Variants in HDGF observed in about 807,000 individuals in gnomAD.
HDGF encodes heparin binding growth factor, also known as hepatoma-derived growth factor.
HDGF carries 5 observed loss-of-function variants against 30.0 expected under a neutral mutation model. The observed-to-expected ratio is 0.17, with a 90% CI of 0.09 to 0.35. HDGF has a LOEUF of 0.35. Among genes scored for constraint, HDGF ranks in the 10% least tolerant of loss-of-function variants. The pLI is 1.00. For synonymous variants in HDGF, 133 were observed against 112.7 expected, an observed-to-expected ratio of 1.18 and a Z score of -1.14; for missense variants, 214 against 302.8, an observed-to-expected ratio of 0.71 and a Z score of 2.18.
chr1:156,761,982 T>TA (rs1159903155), intron 1 of HDGF, among the ~76,000 whole-genome samples: 1 of 124,332 alleles, frequency 8.0e-6, no homozygotes, highest in Non-Finnish European at 1.8e-5. Flanking sequence ...ACACAAAAAA[T>TA]ACAAAAATTA....
At chr1:156,744,456 C>A (rs748829064) in intron 3 of HDGF, 108 bp from the exon 4 acceptor site, 3 of 1,581,844 alleles carry the variant, frequency 1.9e-6, no homozygotes, top group African/African-American at 1.3e-5. Flanking sequence ...GCCTCTCCCC[C>A]ACCCCCACCC....
intron 1 of HDGF, among the ~76,000 whole-genome samples, chr1:156,763,331 G>C (rs953294909): frequency 2.6e-5 from 4 of 151,372 alleles, no homozygotes; most frequent in African/African-American, 9.7e-5. Flanking sequence ...TCCTGCTTCA[G>C]AAGCCTCCTG....
At chr1:156,748,085 G>A (rs1240631501) in intron 1 of HDGF, among the ~76,000 whole-genome samples, 1 of 152,092 alleles carries the variant, frequency 6.6e-6, no homozygotes, top group East Asian at 1.9e-4. Flanking sequence ...AGGAAGACAG[G>A]GGCCTGAGCA....
At position 156,748,111 on chromosome 1, in the gene HDGF, C is replaced by A. The variant is rs12042468; in HGVS notation, c.88-2738G>T. On this transcript the variant is annotated intron_variant, in intron 1 of 5. Transcript: ENST00000357325. The stretch of plus-strand genomic sequence containing the variant: ...GGCCTGAGCAGATAGGCATCTCCCC[C>A]CAAAGCATCATCCCACCTGGCTCCC... Among the ~76,000 whole-genome samples the A allele has an allele frequency of 1.6e-4, 25 of 152,094 alleles. 1 individual carries two copies. Among genetic ancestry groups the A allele is most frequent in the Admixed American group, 1.4e-3 (22 of 15,294 alleles).
chr1:156,752,207 C>A (rs985635317), upstream of HDGF: 2 of 1,551,820 alleles, frequency 1.3e-6, no homozygotes, highest in African/African-American at 2.7e-5. Context: ...CTGGGGTCCT[C>A]TCTGGACCTC....
chr1:156,754,319 G>C (rs1369797191), upstream of HDGF, among the ~76,000 whole-genome samples: 1 of 152,246 alleles, frequency 6.6e-6, no homozygotes, highest in African/African-American at 2.4e-5. Context: ...AGCCAGCGTG[G>C]AAGTGGAAAT....
At chr1:156,762,904 CA>C (rs1651276382) in intron 1 of HDGF, among the ~76,000 whole-genome samples, 1 of 151,772 alleles carries the variant, frequency 6.6e-6, no homozygotes, top group South Asian at 2.1e-4. Context: ...AACTTTCCAT[CA>C]GGGTGATCTG....
At chr1:156,744,927 C>A in intron 3 of HDGF, 81 bp downstream of exon 3, 1 of 1,518,948 alleles carries the variant, frequency 6.6e-7, no homozygotes. Flanking sequence ...GAAGACTAAG[C>A]ATCATCTGTG....
chr1:156,763,196 TA>T (rs1651283910), intron 1 of HDGF, among the ~76,000 whole-genome samples: 1 of 152,158 alleles, frequency 6.6e-6, no homozygotes, highest in Non-Finnish European at 1.5e-5. Flanking sequence ...CAAATATGTT[TA>T]ATCATTTCAT....
chr1:156,743,536 G>T (rs1466679144), intron 5 of HDGF, 81 bp from the exon 6 acceptor site: 1 of 1,585,244 alleles, frequency 6.3e-7, no homozygotes, highest in Non-Finnish European at 8.6e-7. Context: ...CGGTCTCCTA[G>T]GAGAGCCCAC....
chr1:156,765,472 C>CTTT (rs71080793), intron 1 of HDGF, among the ~76,000 whole-genome samples: 2,308 of 85,880 alleles, frequency 0.027, 199 homozygotes, highest in Admixed American at 0.092. Flanking sequence ...TTCTTTCTTT[C>CTTT]TTTTTTTTTT....
Position 156,764,876 on chromosome 1 carries a change from ACT to A in HDGF, n.136+1912_136+1913del, listed in dbSNP as rs1017644230. On this transcript the variant is annotated intron_variant and non_coding_transcript_variant, in intron 1 of 7. Coordinates refer to the HDGF transcript ENST00000465180. ...ACTCCAGCATGGGCGACAGTACAAG[ACT>A]CTATCTCCAAAAAAAAAAAAAAAGA... is the stretch of plus-strand genomic sequence containing the variant. Among the ~76,000 whole-genome samples the A allele has an allele frequency of 4.8e-5, 7 of 146,372 alleles. No individual in the cohort carries two copies. In the South Asian group the frequency reaches 1.6e-3, roughly 32 times the overall value.
chr1:156,754,239 C>A (rs1651116507), upstream of HDGF, among the ~76,000 whole-genome samples: 1 of 152,268 alleles, frequency 6.6e-6, no homozygotes, highest in East Asian at 1.9e-4. Flanking sequence ...AAACTATTTT[C>A]CAATTTGGTA....
At position 156,765,663 on chromosome 1, in the gene HDGF, C is replaced by T. The variant is rs370864721; in HGVS notation, n.136+1127G>A. 9.2e-5 allele frequency among the ~76,000 whole-genome samples: 14 copies of T among 151,662 alleles called. 1 individual carries two copies. Among genetic ancestry groups the T allele is most frequent in the African/African-American group, 3.4e-4 (14 of 41,376 alleles). On this transcript the variant is annotated intron_variant and non_coding_transcript_variant, in intron 1 of 7. Transcript: ENST00000465180. ...CTAATTTTTGTATTTTTAGTAGAGA[C>T]GGGGTTTCACCATCTTGGCCAGGCT...
At chr1:156,756,086 A>C (rs905323803), upstream of HDGF, among the ~76,000 whole-genome samples, 5 of 152,158 alleles carry the variant, frequency 3.3e-5, no homozygotes, top group African/African-American at 1.2e-4. Context: ...CCCCATCTCT[A>C]CTAAAAAATA....
chr1:156,755,362 A>C (rs1185359660), upstream of HDGF, among the ~76,000 whole-genome samples: 2 of 152,176 alleles, frequency 1.3e-5, no homozygotes, highest in Non-Finnish European at 2.9e-5. Context: ...GATGGAGTTT[A>C]CAGTAATGGG....
intron 1 of HDGF, among the ~76,000 whole-genome samples, chr1:156,762,881 A>G (rs1326626761): frequency 1.3e-5 from 2 of 152,190 alleles, no homozygotes; most frequent in Admixed American, 6.5e-5. Flanking sequence ...TCAAAAAAAA[A>G]AAACCAAAAA....
intron 1 of HDGF, among the ~76,000 whole-genome samples, chr1:156,749,854 C>G (rs1032490646): frequency 2.0e-5 from 3 of 152,210 alleles, no homozygotes; most frequent in East Asian, 1.9e-4. Context: ...GAGGTAGGAA[C>G]AGTAGAGACC....
chr1:156,750,890 G>C (rs1650921544), intron 1 of HDGF, among the ~76,000 whole-genome samples: 1 of 149,824 alleles, frequency 6.7e-6, no homozygotes, highest in South Asian at 2.1e-4. Flanking sequence ...GAAGAGAAGA[G>C]TTTGAATTAG....
Sources: allele counts gnomAD v4.1 joint callset (sites outside exome capture counted in the v4.1 genomes callset), GRCh38; gene constraint gnomAD v4.1.1; transcripts MANE v1.5; gene names NCBI Gene and HGNC (gene_info 2026-07-23, HGNC 2026-07-21).